Variants in NME9 observed in about 807,000 individuals in gnomAD.
NME9 encodes thioredoxin domain-containing protein 6.
Under a neutral mutation model 44.4 loss-of-function variants are expected in NME9, and 48 were observed. That is an observed-to-expected ratio of 1.08 (90% CI 0.86 to 1.37). The LOEUF is 1.37. NME9 is among the 40% of genes most tolerant of loss of function. The pLI, the probability that NME9 is intolerant of heterozygous loss-of-function variation, is 0.00. For synonymous variants in NME9, 139 were observed against 147.1 expected (o/e 0.94, Z 0.40); for missense variants, 325 against 405.2 (o/e 0.80, Z 1.70).
In NME9 at chr3:138,319,585, T is replaced by C. The variant is rs1297692378; in HGVS notation, c.92-4A>G. ...CAGCCTTGATAGACATCAACAACTG[T>C]GTGGAACCAAGAAGCAGGAACATTC... On this transcript the variant is annotated splice_region_variant and splice_polypyrimidine_tract_variant and intron_variant, in intron 2 of 10. Coordinates refer to ENST00000333911, the MANE Select transcript of NME9 (RefSeq NM_001349018.2). The C allele has an allele frequency of 7.0e-6, 11 of 1,565,990 alleles. No homozygotes were observed. Among genetic ancestry groups the C allele is most frequent in the Non-Finnish European group, 9.7e-6 (11 of 1,136,394 alleles).
chr3:138,265,340 CT>C (rs1426384469), intron 8 of NME9, among the ~76,000 whole-genome samples: 2 of 152,190 alleles, frequency 1.3e-5, no homozygotes, highest in African/African-American at 4.8e-5. Context: ...ATGTTATCCC[CT>C]GATACACTAC....
At chr3:138,318,302 T>C (rs776368695) in intron 3 of NME9, 83 bp from the exon 4 acceptor site, 303 of 892,878 alleles carry the variant, frequency 3.4e-4, no homozygotes, top group Non-Finnish European at 5.3e-4. Flanking sequence ...CACAGGGAAC[T>C]GAACACCCCC....
intron 6 of NME9, among the ~76,000 whole-genome samples, chr3:138,309,608 C>A (rs1349698682): frequency 6.6e-6 from 1 of 152,144 alleles, no homozygotes; most frequent in African/African-American, 2.4e-5. Flanking sequence ...TCACCTGAGC[C>A]CAGGAGGCGG....
chr3:138,301,784 A>C, intron 10 of NME9, 80 bp from the exon 11 acceptor site: 1 of 1,172,080 alleles, frequency 8.5e-7, no homozygotes. Flanking sequence ...ATCCACAAAG[A>C]AATAGGAAGT....
chr3:138,282,984 AC>A (rs1400650772), intron 8 of NME9, among the ~76,000 whole-genome samples: 3 of 152,188 alleles, frequency 2.0e-5, no homozygotes, highest in African/African-American at 7.2e-5. Context: ...GAAATCTGAC[AC>A]CTTCTCCAGA....
At chr3:138,286,867 C>G (rs965340506) in intron 8 of NME9, among the ~76,000 whole-genome samples, 1 of 152,216 alleles carries the variant, frequency 6.6e-6, no homozygotes, top group Admixed American at 6.5e-5. Context: ...ACATATCCGC[C>G]TGCCCTTTCA....
chr3:138,294,954 A>T (rs1455740081), intron 8 of NME9, among the ~76,000 whole-genome samples: 2 of 149,926 alleles, frequency 1.3e-5, no homozygotes, highest in Non-Finnish European at 3.0e-5. Flanking sequence ...GCTGGAGTGC[A>T]ATGGCACCAT....
chr3:138,297,285 T>C (rs1189961289), downstream of NME9: 1 of 152,240 alleles, frequency 6.6e-6, no homozygotes, highest in Non-Finnish European at 1.5e-5. Context: ...CCCCTTAGCT[T>C]GGCCCCTGCT....
chr3:138,318,566 A>G (rs2053254934), intron 3 of NME9, among the ~76,000 whole-genome samples: 1 of 152,008 alleles, frequency 6.6e-6, no homozygotes, highest in Non-Finnish European at 1.5e-5. Context: ...CCTGCCGCAC[A>G]TGGGCATAAG....
At chr3:138,269,623 A>G (rs1430866494) in intron 8 of NME9, among the ~76,000 whole-genome samples, 2 of 152,152 alleles carry the variant, frequency 1.3e-5, no homozygotes, top group African/African-American at 4.8e-5. Context: ...ATTACTTCAT[A>G]GAGTTCGTAA....
At position 138,301,643 on chromosome 3, in the gene NME9, A is replaced by G. The variant is rs1421523056; in HGVS notation, c.990T>C (p.Asp330=). ...TEALCFPEDV[D] ...CTGGAAGAGCAGCACAGCCATCTCA[A>G]TCCACATCCTCAGGAAAGCAAAGCG... Residue 330 remains aspartate, a synonymous_variant, in exon 11 of 11, where the codon GAT becomes GAC. Coordinates refer to ENST00000333911, the MANE Select transcript of NME9 (RefSeq NM_001349018.2). 6.5e-7 allele frequency: 1 copy of G among 1,535,986 alleles called. No homozygotes were observed. The highest frequency in any genetic ancestry group is 2.4e-5 in the East Asian group (1 of 40,916).
chr3:138,319,614 A>AGAC (rs1020858290), intron 2 of NME9, 33 bp from the exon 3 acceptor site: 1 of 1,139,220 alleles, frequency 8.8e-7, no homozygotes, highest in African/African-American at 1.5e-5. Flanking sequence ...AACATTCAGT[A>AGAC]GACGCCAGTG....
chr3:138,305,618 C>A (rs1374534206), intron 8 of NME9, among the ~76,000 whole-genome samples: 1 of 152,130 alleles, frequency 6.6e-6, no homozygotes, highest in African/African-American at 2.4e-5. Flanking sequence ...GGGTTATCAG[C>A]AGAAGCAAAT....
At chr3:138,303,710 G>C in intron 9 of NME9, 67 bp from the exon 10 acceptor site, 1 of 1,486,442 alleles carries the variant, frequency 6.7e-7, no homozygotes, top group Non-Finnish European at 9.3e-7. Context: ...TTGCTTTCTG[G>C]CAACATGATC....
intron 8 of NME9, among the ~76,000 whole-genome samples, chr3:138,268,333 A>T (rs1239037598): frequency 6.6e-6 from 1 of 152,230 alleles, no homozygotes; most frequent in African/African-American, 2.4e-5. Flanking sequence ...CAAGACTGGT[A>T]GTTACCCTGA....
chr3:138,277,474 G>A (rs978077394), intron 8 of NME9, among the ~76,000 whole-genome samples: 6 of 152,144 alleles, frequency 3.9e-5, no homozygotes, highest in Non-Finnish European at 7.4e-5. Flanking sequence ...GCCATCCACC[G>A]GAAGGAATAT....
At chr3:138,272,865 C>CT (rs2048925054) in intron 8 of NME9, 1 of 1,090,170 alleles carries the variant, frequency 9.2e-7, no homozygotes, top group Non-Finnish European at 1.2e-6. Flanking sequence ...GAGCAAGACT[C>CT]TGTCTCAAAA....
At chr3:138,279,661 T>G (rs985522838) in intron 8 of NME9, among the ~76,000 whole-genome samples, 3 of 152,234 alleles carry the variant, frequency 2.0e-5, no homozygotes, top group African/African-American at 7.2e-5. Flanking sequence ...TGGAATCATC[T>G]GGATACGATG....
intron 6 of NME9, among the ~76,000 whole-genome samples, chr3:138,313,097 A>G (rs1209074307): frequency 6.6e-6 from 1 of 152,032 alleles, no homozygotes; most frequent in East Asian, 1.9e-4. Context: ...GACTATTAAG[A>G]AAAAAAAGGG....
Sources: allele counts gnomAD v4.1 joint callset (sites outside exome capture counted in the v4.1 genomes callset), GRCh38; gene constraint gnomAD v4.1.1; transcripts MANE v1.5; gene names NCBI Gene and HGNC (gene_info 2026-07-23, HGNC 2026-07-21).